The following TTC7A variants were observed in gnomAD, a reference collection of about 807,000 sequenced individuals.
TTC7A encodes tetratricopeptide repeat domain 7A.
In TTC7A, 110 loss-of-function variants were observed where a neutral mutation model predicts 103.7. That is an observed-to-expected ratio of 1.06 (90% CI 0.91 to 1.24). The LOEUF (loss-of-function observed/expected upper bound fraction) is 1.24, where lower values mean the gene tolerates loss of function less well. TTC7A is among the 50% of genes most tolerant of loss of function. The pLI is 0.00. For synonymous variants in TTC7A, 521 were observed against 467.9 expected (o/e 1.11, Z -1.47); for missense variants, 1,340 against 1,116.3 (o/e 1.20, Z -2.86).
intron 19 of TTC7A, among the ~76,000 whole-genome samples, chr2:47,068,971 T>G (rs1409956095): frequency 2.6e-5 from 4 of 151,812 alleles, no homozygotes. Context: ...TGTCCTTTAC[T>G]GTGCCTTTGG....
chr2:46,931,692 T>TAATTAATAAATA (rs1669714547), intron 2 of TTC7A, among the ~76,000 whole-genome samples: 1 of 148,548 alleles, frequency 6.7e-6, no homozygotes, highest in Admixed American at 6.7e-5. Context: ...AAACAGACAA[T>TAATTAATAAATA]AATAAATAAA....
Position 47,028,307 on chromosome 2 carries a change from C to T in TTC7A, c.1642-917C>T, listed in dbSNP as rs372196799. ...TGGGGCACTGACTGACCCCATAACCCTGTTACCACTTGCAGGTGGGGCCCT... is the reference window on the plus strand; with the variant it reads ...TGGGGCACTGACTGACCCCATAACCTTGTTACCACTTGCAGGTGGGGCCCT... On this transcript the variant is annotated intron_variant, in intron 14 of 19. Transcript: ENST00000319190. 1.3e-4 allele frequency among the ~76,000 whole-genome samples: 20 copies of T among 152,358 alleles called. No individual in the cohort carries two copies. In the East Asian group the frequency reaches 2.5e-3, roughly 19 times the overall value.
At chr2:46,980,283 G>T (rs1674311428) in intron 5 of TTC7A, among the ~76,000 whole-genome samples, 1 of 143,492 alleles carries the variant, frequency 7.0e-6, no homozygotes, top group Non-Finnish European at 1.5e-5. Context: ...GCAATGGTGT[G>T]ATCATGGCTC....
intron 18 of TTC7A, among the ~76,000 whole-genome samples, chr2:47,057,854 C>G (rs1311942441): frequency 2.0e-5 from 3 of 152,180 alleles, no homozygotes; most frequent in Admixed American, 1.3e-4. Context: ...CGACCTAGCC[C>G]CTCTTGAGTG....
At chr2:47,062,003 C>G (rs931300101) in intron 19 of TTC7A, among the ~76,000 whole-genome samples, 1 of 152,200 alleles carries the variant, frequency 6.6e-6, no homozygotes, top group Non-Finnish European at 1.5e-5. Context: ...CTGACGTCTT[C>G]TGGCACGTAG....
At chr2:46,930,706 G>A (rs1304339765) in intron 2 of TTC7A, among the ~76,000 whole-genome samples, 2 of 151,954 alleles carry the variant, frequency 1.3e-5, no homozygotes, top group Admixed American at 6.6e-5. Flanking sequence ...CAGCCTGTTG[G>A]CCAAGCTGGT....
rs763222341 is a variant in TTC7A, at chr2:47,046,429, G to T, written c.1917G>T (p.Leu639=). 54 of 1,613,296 alleles carry T rather than the reference G, an allele frequency of 3.3e-5. No homozygotes were observed. Among genetic ancestry groups the T allele is most frequent in the Non-Finnish European group, 4.4e-5 (52 of 1,179,400 alleles). Residue 639 remains leucine (L), a splice_region_variant and synonymous_variant, in exon 16 of 20, where the codon CTG becomes CTT. Coordinates refer to ENST00000319190, the MANE Select transcript of TTC7A (RefSeq NM_020458.4). ...AGACCCTGTACAGCTTCTCCCAGCTGGGGTGAGTGGCCGTCATTGTCTCTT... is the reference window on the plus strand; with the variant it reads ...AGACCCTGTACAGCTTCTCCCAGCTTGGGTGAGTGGCCGTCATTGTCTCTT... The part of the protein sequence containing the change: ...LWQTLYSFSQ[L]GGLEKDGSFG...
chr2:47,057,700 T>C (rs1683430701), intron 18 of TTC7A, among the ~76,000 whole-genome samples: 1 of 152,136 alleles, frequency 6.6e-6, no homozygotes, highest in African/African-American at 2.4e-5. Context: ...CTGCTTCTCC[T>C]CTCTCGTGAC....
At chr2:47,055,032 C>A (rs1261857496) in intron 18 of TTC7A, among the ~76,000 whole-genome samples, 1 of 152,002 alleles carries the variant, frequency 6.6e-6, no homozygotes, top group East Asian at 1.9e-4. Flanking sequence ...TCATCACTAG[C>A]AAGCATCTAC....
chr2:46,961,356 C>G (rs1412251647), intron 3 of TTC7A, among the ~76,000 whole-genome samples: 2 of 151,794 alleles, frequency 1.3e-5, no homozygotes, highest in African/African-American at 4.8e-5. Context: ...GTGGGCAGAT[C>G]ACGAGGTCAG....
At chr2:47,055,940 G>A (rs1683276461) in intron 18 of TTC7A, among the ~76,000 whole-genome samples, 1 of 151,958 alleles carries the variant, frequency 6.6e-6, no homozygotes. Flanking sequence ...CATCCTTCCT[G>A]CCCCCCTCCT....
At chr2:46,962,498 C>G (rs1263097642) in intron 3 of TTC7A, among the ~76,000 whole-genome samples, 1 of 152,196 alleles carries the variant, frequency 6.6e-6, no homozygotes, top group Non-Finnish European at 1.5e-5. Flanking sequence ...TCAGCAAACA[C>G]CTGCTGGGAA....
intron 2 of TTC7A, among the ~76,000 whole-genome samples, chr2:46,920,682 A>T (rs1669059535): frequency 6.6e-6 from 1 of 151,788 alleles, no homozygotes; most frequent in African/African-American, 2.4e-5. Flanking sequence ...TTTATCAAAA[A>T]TTTTGATCAC....
intron 2 of TTC7A, 43 bp downstream of exon 2, chr2:46,950,569 T>C: frequency 6.2e-7 from 1 of 1,603,588 alleles, no homozygotes; most frequent in South Asian, 1.1e-5. Context: ...TCTCCTCGTC[T>C]GTCTTGCCTC....
chr2:47,073,743 G>A lies in TTC7A; in HGVS notation c.2397G>A (p.Gln799=), dbSNP rs139056071. 269 of 1,613,714 alleles carry A rather than the reference G, an allele frequency of 1.7e-4. 1 individual carries two copies. Among genetic ancestry groups the A allele is most frequent in the Non-Finnish European group, 2.6e-5 (31 of 1,180,038 alleles). The change falls in exon 20 of 20, where the codon CAG becomes CAA. Residue 799 remains glutamine, a synonymous_variant. Transcript: ENST00000319190. ...GGCTGGGCCACAAGAGCTTGGCCCA[G>A]AAGGTGCTTCGTGATGCCGTGGAGA... is the stretch of plus-strand genomic sequence containing the variant. ...LSRLGHKSLA[Q]KVLRDAVERQ...
At chr2:46,952,116 G>A (rs1002684742) in intron 2 of TTC7A, among the ~76,000 whole-genome samples, 1 of 152,134 alleles carries the variant, frequency 6.6e-6, no homozygotes, top group Non-Finnish European at 1.5e-5. Context: ...TGTAAGGGAG[G>A]GAAAGGCCAG....
At chr2:46,934,917 C>T (rs1382935326) in intron 2 of TTC7A, among the ~76,000 whole-genome samples, 1 of 150,416 alleles carries the variant, frequency 6.6e-6, no homozygotes, top group Admixed American at 6.7e-5. Flanking sequence ...TCTCTTGCCT[C>T]AGCCTCCTGA....
intron 10 of TTC7A, among the ~76,000 whole-genome samples, chr2:47,010,404 C>T (rs1053558349): frequency 6.6e-6 from 1 of 152,192 alleles, no homozygotes; most frequent in Admixed American, 6.5e-5. Context: ...CTTAGGACAA[C>T]GCCTGCACAT....
intron 2 of TTC7A, chr2:46,917,353 C>G: frequency 3.3e-6 from 2 of 600,870 alleles, no homozygotes; most frequent in Admixed American, 3.1e-5. Flanking sequence ...TTCTTCTTTC[C>G]TTACTCTGAA....
Sources: allele counts gnomAD v4.1 joint callset (sites outside exome capture counted in the v4.1 genomes callset), GRCh38; gene constraint gnomAD v4.1.1; transcripts MANE v1.5; gene names NCBI Gene and HGNC (gene_info 2026-07-23, HGNC 2026-07-21).